The following ZC3H7A variants were observed in gnomAD, a reference collection of about 807,000 sequenced individuals.
ZC3H7A encodes the protein zinc finger CCCH-type containing 7A, also known as zinc finger CCCH domain-containing protein 7A.
A neutral mutation model predicts 125.5 loss-of-function variants in ZC3H7A; 44 were observed. The ratio of observed to expected loss-of-function variants is 0.35; its 90% CI spans 0.28 to 0.45. ZC3H7A has a LOEUF of 0.45. ZC3H7A is among the 20% of genes least tolerant of loss of function. The pLI is 1.00. For missense variants in ZC3H7A, 977 were observed against 1,170.7 expected, an observed-to-expected ratio of 0.83 and a Z score of 2.41; for synonymous variants, 399 against 391.2, an observed-to-expected ratio of 1.02 and a Z score of -0.23.
intron 1 of ZC3H7A, among the ~76,000 whole-genome samples, chr16:11,791,873 T>A (rs533110216): frequency 9.2e-5 from 14 of 152,294 alleles, no homozygotes; most frequent in Middle Eastern, 6.8e-3. Context: ...TCCCCTCTTC[T>A]CCTAAATAAA....
At chr16:11,786,996 C>T (rs578093217) in intron 1 of ZC3H7A, among the ~76,000 whole-genome samples, 22 of 152,194 alleles carry the variant, frequency 1.4e-4, no homozygotes, top group Admixed American at 9.2e-4. Context: ...AGGTAAAACA[C>T]GCAAATCTTA....
chr16:11,782,481 A>G (rs961196933), intron 1 of ZC3H7A, 93 bp from the exon 2 acceptor site: 2 of 1,020,998 alleles, frequency 2.0e-6, no homozygotes, highest in Admixed American at 1.8e-5. Context: ...TCACACAATC[A>G]GCTGTGGACA....
intron 15 of ZC3H7A, among the ~76,000 whole-genome samples, chr16:11,764,058 T>A (rs959296450): frequency 2.0e-5 from 3 of 151,740 alleles, no homozygotes; most frequent in Non-Finnish European, 4.4e-5. Flanking sequence ...CCTCCCAAAG[T>A]GCTAGGATTA....
intron 9 of ZC3H7A, among the ~76,000 whole-genome samples, chr16:11,772,018 C>A (rs530917030): frequency 1.3e-4 from 19 of 151,790 alleles, no homozygotes; most frequent in African/African-American, 4.3e-4. Flanking sequence ...GATGGTGAAA[C>A]CCCGTCTCTA....
At chr16:11,791,761 G>A (rs1428024758) in intron 1 of ZC3H7A, among the ~76,000 whole-genome samples, 1 of 152,200 alleles carries the variant, frequency 6.6e-6, no homozygotes, top group Non-Finnish European at 1.5e-5. Context: ...GAAACAAGGT[G>A]GGAAGTGAAT....
At chr16:11,771,258 T>G (rs935510013) in intron 9 of ZC3H7A, among the ~76,000 whole-genome samples, 3 of 151,886 alleles carry the variant, frequency 2.0e-5, no homozygotes, top group East Asian at 2.0e-4. Context: ...CATGGTGGCA[T>G]GCGCCTGTAG....
intron 1 of ZC3H7A, among the ~76,000 whole-genome samples, chr16:11,795,756 T>C (rs1165371187): frequency 1.3e-5 from 2 of 152,042 alleles, no homozygotes; most frequent in African/African-American, 4.8e-5. Context: ...TCATTTTAAA[T>C]TTCCAAATAG....
intron 4 of ZC3H7A, among the ~76,000 whole-genome samples, chr16:11,777,207 A>G (rs939107403): frequency 2.0e-5 from 3 of 152,128 alleles, no homozygotes; most frequent in Non-Finnish European, 2.9e-5. Context: ...TGATGTCCCC[A>G]TGTGTCCCTC....
chr16:11,785,236 G>C (rs1346129085), intron 1 of ZC3H7A, among the ~76,000 whole-genome samples: 1 of 152,168 alleles, frequency 6.6e-6, no homozygotes, highest in Admixed American at 6.5e-5. Context: ...CTACTCAGGA[G>C]GCTGAGTTGG....
intron 5 of ZC3H7A, 91 bp from the exon 6 acceptor site, chr16:11,776,623 C>T (rs2053085077): frequency 6.7e-7 from 1 of 1,495,480 alleles, no homozygotes; most frequent in East Asian, 2.3e-5. Flanking sequence ...CATCAAGACA[C>T]CTGCTTCATT....
chr16:11,783,448 T>C (rs2053205385), intron 1 of ZC3H7A, among the ~76,000 whole-genome samples: 1 of 152,178 alleles, frequency 6.6e-6, no homozygotes, highest in African/African-American at 2.4e-5. Context: ...CTAGAGTTCC[T>C]CAGGCTTGGC....
At chr16:11,786,437 T>G (rs541615513) in intron 1 of ZC3H7A, among the ~76,000 whole-genome samples, 17 of 152,350 alleles carry the variant, frequency 1.1e-4, no homozygotes, top group African/African-American at 4.1e-4. Context: ...AAAGTTAATC[T>G]GCTGGCTAAG....
intron 1 of ZC3H7A, among the ~76,000 whole-genome samples, chr16:11,791,707 A>C (rs2053354462): frequency 6.6e-6 from 1 of 152,220 alleles, no homozygotes; most frequent in South Asian, 2.1e-4. Context: ...GACTGCATGC[A>C]AACAGAGCTG....
At chr16:11,787,167 T>C (rs1435478014) in intron 1 of ZC3H7A, among the ~76,000 whole-genome samples, 1 of 151,858 alleles carries the variant, frequency 6.6e-6, no homozygotes, top group South Asian at 2.1e-4. Context: ...CCAGGTGTGG[T>C]GGTACGTGCC....
intron 1 of ZC3H7A, 57 bp from the exon 2 acceptor site, chr16:11,782,445 G>A: frequency 7.1e-7 from 1 of 1,403,808 alleles, no homozygotes. Flanking sequence ...GGACTCCAAT[G>A]AAAACACCCA....
chr16:11,752,910 G>A, intron 21 of ZC3H7A, 78 bp from the exon 22 acceptor site: 1 of 1,535,516 alleles, frequency 6.5e-7, no homozygotes, highest in Non-Finnish European at 8.7e-7. Context: ...GCCCAGGCTG[G>A]TGGGAGAGCC....
chr16:11,760,137 A>AAAAAAAAAAAAAAAG (rs1555493879), intron 19 of ZC3H7A, among the ~76,000 whole-genome samples: 2 of 137,642 alleles, frequency 1.5e-5, no homozygotes, highest in Non-Finnish European at 3.2e-5. Flanking sequence ...AAAAAAAAAA[A>AAAAAAAAAAAAAAAG]AAAAAAAAGA....
rs532049865 is a variant in ZC3H7A, at chr16:11,772,406, A to G, written c.904-1419T>C. ...TGCAACTCACTGAGAGCTTCCACGC[A>G]CCTTACGTTATGGTATCATATGCTA... On this transcript the variant is annotated intron_variant, in intron 9 of 22. Transcript: ENST00000355758. 1.1e-4 allele frequency among the ~76,000 whole-genome samples: 17 copies of G among 151,766 alleles called. No homozygotes were observed. The South Asian group carries it at 3.3e-3, about 30-fold the overall frequency.
Position 11,782,405 on chromosome 16 carries a change from C to T in ZC3H7A, c.-34-17G>A, listed in dbSNP as rs372212392. ...ATGAGCAATCTGGAAAGAAACAAGG[C>T]AAAAAAGCACATAAGGTACCAGGGT... is the stretch of plus-strand genomic sequence containing the variant. On this transcript the variant is annotated splice_polypyrimidine_tract_variant and intron_variant, in intron 1 of 22. Transcript: ENST00000355758. The T allele has an allele frequency of 4.1e-4, 650 of 1,604,138 alleles. 1 individual carries two copies. Among genetic ancestry groups the T allele is most frequent in the Middle Eastern group, 5.0e-4 (3 of 6,014 alleles).
Sources: allele counts gnomAD v4.1 joint callset (sites outside exome capture counted in the v4.1 genomes callset), GRCh38; gene constraint gnomAD v4.1.1; transcripts MANE v1.5; gene names NCBI Gene and HGNC (gene_info 2026-07-23, HGNC 2026-07-21).